Variants in BLM observed in about 807,000 individuals in gnomAD.
BLM encodes BLM RecQ like helicase.
In BLM, 95 loss-of-function variants were observed where a neutral mutation model predicts 135.3. The ratio of observed to expected loss-of-function variants is 0.70; its 90% CI spans 0.59 to 0.83. The LOEUF (loss-of-function observed/expected upper bound fraction) is 0.83, where lower values mean the gene tolerates loss of function less well. BLM is among the 40% of genes least tolerant of loss of function. The pLI, the probability that BLM is intolerant of heterozygous loss-of-function variation, is 0.00. For synonymous variants in BLM, 520 were observed against 589.2 expected (o/e 0.88, Z 1.70); for missense variants, 1,518 against 1,663.9 (o/e 0.91, Z 1.53).
chr15:90,731,225 C>A (rs565843163), intron 1 of BLM, among the ~76,000 whole-genome samples: 1 of 152,298 alleles, frequency 6.6e-6, no homozygotes, highest in African/African-American at 2.4e-5. Context: ...AGGTGTGAGT[C>A]ATCATGCCCG....
At chr15:90,743,861 T>C (rs1895433394) in intron 1 of BLM, among the ~76,000 whole-genome samples, 1 of 152,218 alleles carries the variant, frequency 6.6e-6, no homozygotes, top group African/African-American at 2.4e-5. Flanking sequence ...AATATGATTC[T>C]GGCTGGAGGG....
chr15:90,757,315 GC>G lies in BLM; in HGVS notation c.1087+2378del, dbSNP rs1238277273. On this transcript the variant is annotated intron_variant, in intron 5 of 21. Coordinates refer to ENST00000355112, the MANE Select transcript of BLM (RefSeq NM_000057.4). Reference sequence around the variant, plus strand: ...CCTCACACACGTGTCAGTGACAGGGGCTCTGAGATCCTGTTTGCAGGTTTCC... The same window carrying G: ...CCTCACACACGTGTCAGTGACAGGGGTCTGAGATCCTGTTTGCAGGTTTCC... Among the ~76,000 whole-genome samples the G allele has an allele frequency of 2.0e-5, 3 of 152,076 alleles. No individual in the cohort carries two copies. In the South Asian group the frequency reaches 6.2e-4, roughly 32 times the overall value.
chr15:90,761,266 A>G lies in BLM; in HGVS notation c.1882+11A>G, dbSNP rs1421111566. The G allele has an allele frequency of 2.7e-6, 4 of 1,484,790 alleles. No homozygotes were observed. 92.0% of individuals were successfully genotyped at this position (1,484,790 alleles called of 1,614,324 possible). A position where few individuals can be genotyped will look rare whatever the true frequency, so the allele number is the denominator to read the frequency against. ...TTCAGAATTATACTGGTAAGTTTAA[A>G]ATAAATTGAATGCTTATATGAAAAC... is the stretch of plus-strand genomic sequence containing the variant. On this transcript the variant is annotated intron_variant, in intron 7 of 21. Transcript: ENST00000355112.
chr15:90,789,987 GTTTT>G (rs61059865), intron 14 of BLM, among the ~76,000 whole-genome samples: 48 of 57,372 alleles, frequency 8.4e-4, no homozygotes, highest in African/African-American at 2.3e-3. Context: ...AGTCCCTGGT[GTTTT>G]TTTTTTTTTT....
chr15:90,759,841 A>G, intron 5 of BLM: 1 of 295,636 alleles, frequency 3.4e-6, no homozygotes, highest in East Asian at 8.6e-5. Context: ...TCCTGACCTC[A>G]GGTGATCTAC....
intron 5 of BLM, among the ~76,000 whole-genome samples, chr15:90,759,716 C>T (rs1374782720): frequency 6.6e-6 from 1 of 152,116 alleles, no homozygotes; most frequent in African/African-American, 2.4e-5. Flanking sequence ...AAGCGATTCT[C>T]CTGCCTCAGC....
chr15:90,739,513 C>T (rs1361824072), intron 1 of BLM, among the ~76,000 whole-genome samples: 3 of 152,134 alleles, frequency 2.0e-5, no homozygotes, highest in Non-Finnish European at 4.4e-5. Context: ...GAGATTGAGG[C>T]TGCAGCGAGC....
chr15:90,733,890 T>A (rs182674404), intron 1 of BLM, among the ~76,000 whole-genome samples: 20 of 152,372 alleles, frequency 1.3e-4, no homozygotes, highest in African/African-American at 4.3e-4. Context: ...TAATACAGTG[T>A]GTATTCTTTT....
At position 90,769,347 on chromosome 15, in the gene BLM, T is replaced by G. The variant is rs567270078; in HGVS notation, c.2407-91T>G. On this transcript the variant is annotated intron_variant, in intron 11 of 21. Coordinates refer to ENST00000355112, the MANE Select transcript of BLM (RefSeq NM_000057.4). ...ACGAGTCTCCTATTTTACTGAAGAA[T>G]AAGGTAGTTCTTAATACATTGAGCA... 2.2e-5 allele frequency: 34 copies of G among 1,559,380 alleles called. No individual in the cohort carries two copies. The African/African-American group carries it at 4.3e-4, about 20-fold the overall frequency.
intron 12 of BLM, among the ~76,000 whole-genome samples, chr15:90,769,978 C>T (rs1896260091): frequency 6.6e-6 from 1 of 152,082 alleles, no homozygotes; most frequent in Admixed American, 6.5e-5. Flanking sequence ...CTAGAGTATA[C>T]TTCTTGAAAT....
chr15:90,747,951 G>A (rs28384980), intron 2 of BLM, among the ~76,000 whole-genome samples: 1 of 152,106 alleles, frequency 6.6e-6, no homozygotes, highest in East Asian at 1.9e-4. Context: ...GGGACTACAG[G>A]CACCTGCCAC....
intron 1 of BLM, among the ~76,000 whole-genome samples, chr15:90,744,357 A>G (rs954053396): frequency 8.5e-5 from 13 of 152,242 alleles, no homozygotes; most frequent in East Asian, 1.9e-4. Context: ...ACAAAAGATC[A>G]AGGCTTTTAT....
At chr15:90,742,923 G>A (rs1374426886) in intron 1 of BLM, among the ~76,000 whole-genome samples, 8 of 149,922 alleles carry the variant, frequency 5.3e-5, no homozygotes, top group Middle Eastern at 3.7e-3. Flanking sequence ...AGTGTGAGCC[G>A]CCGTGCCCAG....
intron 1 of BLM, among the ~76,000 whole-genome samples, chr15:90,732,906 C>T (rs1025750439): frequency 2.0e-5 from 3 of 152,060 alleles, no homozygotes; most frequent in African/African-American, 7.2e-5. Flanking sequence ...CTATCCTGTC[C>T]AACACGGTGA....
chr15:90,731,162 A>G (rs1259048164), intron 1 of BLM, among the ~76,000 whole-genome samples: 2 of 152,016 alleles, frequency 1.3e-5, no homozygotes, highest in African/African-American at 4.8e-5. Context: ...GCTGGTCTCA[A>G]TCCTGGGCTC....
At chr15:90,787,867 T>G (rs542484182) in intron 14 of BLM, among the ~76,000 whole-genome samples, 88 of 152,096 alleles carry the variant, frequency 5.8e-4, no homozygotes, top group African/African-American at 2.1e-3. Context: ...GGGGAATCAC[T>G]TGAACCTGGG....
chr15:90,758,168 C>T (rs1895869440), intron 5 of BLM, among the ~76,000 whole-genome samples: 1 of 151,946 alleles, frequency 6.6e-6, no homozygotes, highest in South Asian at 2.1e-4. Flanking sequence ...GCGTGAGCCA[C>T]CATACCCAGG....
rs192626531 is a variant in BLM at position 90,811,796 on chromosome 15, T to C, written c.4076+390T>C. Among the ~76,000 whole-genome samples, 666 of 149,676 alleles carry C rather than the reference T, an allele frequency of 4.4e-3. 5 individuals carry two copies. The highest frequency in any genetic ancestry group is 0.015 in the African/African-American group (595 of 39,522). ...CCTCAGCCTCCTGAGTAGCTGGGAC[T>C]CCAGGTGTATACCATCACTCCTGGC... On this transcript the variant is annotated intron_variant, in intron 21 of 21. Transcript: ENST00000355112.
chr15:90,770,612 A>AT (rs28385049), intron 12 of BLM, among the ~76,000 whole-genome samples: 1 of 152,138 alleles, frequency 6.6e-6, no homozygotes, highest in Non-Finnish European at 1.5e-5. Context: ...AGTTTAAAGT[A>AT]TTTTTTTCTT....
Sources: gnomAD v4.1 joint callset for allele counts (sites outside exome capture counted in the v4.1 genomes callset) on GRCh38, gnomAD v4.1.1 for gene constraint, MANE v1.5 for transcripts, NCBI Gene and HGNC (gene_info 2026-07-23, HGNC 2026-07-21) for gene names.